Variants in DOCK9 observed in about 807,000 individuals in gnomAD.
The protein encoded by DOCK9 is dedicator of cytokinesis 9, also known as dedicator of cytokinesis protein 9.
DOCK9 carries 89 observed loss-of-function variants against 263.3 expected under a neutral mutation model. The observed-to-expected ratio is 0.34, with a 90% CI of 0.28 to 0.40. The LOEUF is 0.40. DOCK9 is among the 10% of genes least tolerant of loss of function. The pLI is 1.00. For synonymous variants in DOCK9, 976 were observed against 973.1 expected (o/e 1.00, Z -0.06); for missense variants, 2,140 against 2,603.4 (o/e 0.82, Z 3.87).
intron 1 of DOCK9, among the ~76,000 whole-genome samples, chr13:99,062,730 C>G (rs1033285463): frequency 6.6e-6 from 1 of 152,164 alleles, no homozygotes; most frequent in Admixed American, 6.5e-5. Context: ...GTTACTCCTG[C>G]GAGGGAAAAC....
At chr13:98,980,251 A>T (rs1413034151), upstream of DOCK9, among the ~76,000 whole-genome samples, 3 of 152,258 alleles carry the variant, frequency 2.0e-5, no homozygotes, top group Non-Finnish European at 4.4e-5. Context: ...GAACTTTAAG[A>T]TATTTATTTG....
At chr13:98,977,663 A>C in intron 1 of DOCK9, 121 bp downstream of exon 1, 1 of 840,828 alleles carries the variant, frequency 1.2e-6, no homozygotes, top group Non-Finnish European at 1.8e-6. Context: ...GGAGTTCACA[A>C]GGGACAAGCA....
chr13:98,965,315 A>C (rs997566272), intron 1 of DOCK9, among the ~76,000 whole-genome samples: 1 of 152,106 alleles, frequency 6.6e-6, no homozygotes, highest in African/African-American at 2.4e-5. Context: ...TCAAGATAGA[A>C]TCCCACTCTC....
upstream of DOCK9, among the ~76,000 whole-genome samples, chr13:98,981,081 G>A (rs1290375156): frequency 2.0e-5 from 3 of 150,228 alleles, no homozygotes; most frequent in Admixed American, 6.6e-5. Flanking sequence ...TTTCAAGGCA[G>A]GGTTTGGCTC....
intron 1 of DOCK9, among the ~76,000 whole-genome samples, chr13:98,997,928 C>CT (rs2141798098): frequency 1.3e-5 from 2 of 152,352 alleles, no homozygotes; most frequent in Non-Finnish European, 2.9e-5. Context: ...GCAGATTCTC[C>CT]TAAGTCCCCA....
chr13:98,804,457 G>A (rs746553387), intron 49 of DOCK9, among the ~76,000 whole-genome samples: 5 of 152,212 alleles, frequency 3.3e-5, no homozygotes, highest in Non-Finnish European at 5.9e-5. Flanking sequence ...AGCTGAACTC[G>A]TGGATAGCCA....
At chr13:98,914,476 C>T (rs41279134) in intron 8 of DOCK9, 81 bp from the exon 9 acceptor site, 178,886 of 1,235,102 alleles carry the variant, frequency 0.14, 13,425 homozygotes, top group East Asian at 0.24. Context: ...GGCCGTTTCT[C>T]TTAGGTGCCT....
At chr13:99,019,727 G>A (rs1885845312) in intron 1 of DOCK9, among the ~76,000 whole-genome samples, 1 of 152,174 alleles carries the variant, frequency 6.6e-6, no homozygotes, top group South Asian at 2.1e-4. Context: ...TAAAGCAAAT[G>A]TGGCCAAGTG....
intron 9 of DOCK9, among the ~76,000 whole-genome samples, chr13:98,912,461 C>T (rs1049894832): frequency 6.6e-6 from 1 of 152,114 alleles, no homozygotes; most frequent in Admixed American, 6.5e-5. Context: ...CAAAAAGAAG[C>T]AGGGGTTGAA....
intron 32 of DOCK9, 109 bp downstream of exon 32, chr13:98,862,910 C>G: frequency 1.1e-6 from 1 of 912,212 alleles, no homozygotes; most frequent in Admixed American, 2.2e-5. Flanking sequence ...GGACTCCTGA[C>G]TGGGAGAGAA....
chr13:98,868,069 A>T, intron 28 of DOCK9, 58 bp from the exon 29 acceptor site: 3 of 1,570,470 alleles, frequency 1.9e-6, no homozygotes, highest in Non-Finnish European at 2.6e-6. Context: ...GGAAATTTGG[A>T]TTCAAAGCAG....
intron 36 of DOCK9, 83 bp downstream of exon 36, chr13:98,849,964 G>C (rs2093513865): frequency 2.0e-6 from 2 of 993,502 alleles, no homozygotes; most frequent in Non-Finnish European, 3.1e-6. Flanking sequence ...CTACTCCTCT[G>C]GTTCAACTAC....
chr13:98,936,497 C>T (rs1476222904), intron 2 of DOCK9, among the ~76,000 whole-genome samples: 2 of 151,766 alleles, frequency 1.3e-5, no homozygotes, highest in African/African-American at 2.4e-5. Flanking sequence ...TCATGCGCCT[C>T]GAGTCCAAGC....
intron 1 of DOCK9, among the ~76,000 whole-genome samples, chr13:98,985,371 C>T (rs1878215918): frequency 6.6e-6 from 1 of 151,652 alleles, no homozygotes; most frequent in African/African-American, 2.4e-5. Flanking sequence ...TCCTATTCTA[C>T]TTTTCTTATT....
intron 10 of DOCK9, among the ~76,000 whole-genome samples, chr13:98,904,375 T>C (rs1388586540): frequency 6.6e-6 from 1 of 152,244 alleles, no homozygotes; most frequent in East Asian, 1.9e-4. Context: ...AAATTAGATG[T>C]TCTTTGTGAA....
rs1377197057 is a variant in DOCK9 at position 98,800,303 on chromosome 13, G to A, written c.5901C>T (p.Gly1967=). Residue 1967 remains glycine, a synonymous_variant, in exon 50 of 53, where the codon GGC becomes GGT. Coordinates refer to ENST00000682017, the MANE Select transcript of DOCK9 (RefSeq NM_001366683.2). ...CCTGGCTCACCTGAACACTCACGCT[G>A]CCCTGGAGTTTGAGCTGCAGTTTGA... is the stretch of plus-strand genomic sequence containing the variant. ...DMIKLQLKLQ[G]SVSVQVNAGP... 6.2e-7 allele frequency: 1 copy of A among 1,604,712 alleles called. No homozygotes were observed. Among genetic ancestry groups the A allele is most frequent in the Non-Finnish European group, 8.5e-7 (1 of 1,175,644 alleles).
chr13:98,799,538 T>C (rs1416736191), intron 50 of DOCK9, among the ~76,000 whole-genome samples: 2 of 152,200 alleles, frequency 1.3e-5, no homozygotes, highest in African/African-American at 4.8e-5. Flanking sequence ...GGAAAGCGCA[T>C]ATATCACAAG....
chr13:99,041,599 C>T (rs574630890), intron 1 of DOCK9, among the ~76,000 whole-genome samples: 1 of 152,202 alleles, frequency 6.6e-6, no homozygotes, highest in Non-Finnish European at 1.5e-5. Context: ...ACTTCCTACT[C>T]ATCAGGATAC....
chr13:99,056,747 T>C (rs943849178), intron 1 of DOCK9, among the ~76,000 whole-genome samples: 7 of 152,202 alleles, frequency 4.6e-5, no homozygotes, highest in African/African-American at 1.4e-4. Context: ...CCTCTTTCCC[T>C]TCCCCCAGTG....
Sources: allele counts gnomAD v4.1 joint callset (sites outside exome capture counted in the v4.1 genomes callset), GRCh38; gene constraint gnomAD v4.1.1; transcripts MANE v1.5; gene names NCBI Gene and HGNC (gene_info 2026-07-23, HGNC 2026-07-21).